Variants in TMTC1 observed in about 807,000 individuals in gnomAD.
TMTC1 encodes transmembrane O-mannosyltransferase targeting cadherins 1.
Under a neutral mutation model 104.8 loss-of-function variants are expected in TMTC1, and 73 were observed. The ratio of observed to expected loss-of-function variants is 0.70; its 90% confidence interval spans 0.58 to 0.85. TMTC1 has a LOEUF of 0.85. Among genes scored for constraint, TMTC1 ranks in the 40% least tolerant of loss-of-function variants. TMTC1 has a pLI of 0.00. For synonymous variants in TMTC1, 434 were observed against 428.7 expected (o/e 1.01, Z -0.15); for missense variants, 1,035 against 1,096.1 (o/e 0.94, Z 0.79).
intron 10 of TMTC1, among the ~76,000 whole-genome samples, chr12:29,544,797 C>A (rs1565659643): frequency 6.6e-6 from 1 of 152,148 alleles, no homozygotes; most frequent in Non-Finnish European, 1.5e-5. Context: ...AGTCAGGATT[C>A]ATTTGCCCCA....
chr12:29,542,658 G>T (rs1000084777), intron 10 of TMTC1, among the ~76,000 whole-genome samples: 1 of 151,952 alleles, frequency 6.6e-6, no homozygotes, highest in Non-Finnish European at 1.5e-5. Flanking sequence ...TGCTTAGCAT[G>T]GATCAATTGA....
rs1336166510 is a variant in TMTC1, at chr12:29,513,602, T to A, written c.2430+880A>T. Among the ~76,000 whole-genome samples, 10 of 152,308 alleles carry A rather than the reference T, an allele frequency of 6.6e-5. No homozygotes were observed. The East Asian group carries it at 1.5e-3, about 23-fold the overall frequency. ...CAATTGTATCATTTGAGATTTTACTTTTCCTATAATATATTTAGTATAATT... is the reference window on the plus strand; with the variant it reads ...CAATTGTATCATTTGAGATTTTACTATTCCTATAATATATTTAGTATAATT... On this transcript the variant is annotated intron_variant, in intron 16 of 17. Coordinates refer to ENST00000539277, the MANE Select transcript of TMTC1 (RefSeq NM_001193451.2).
chr12:29,683,771 G>A (rs1437676860), intron 5 of TMTC1, among the ~76,000 whole-genome samples: 2 of 151,790 alleles, frequency 1.3e-5, no homozygotes, highest in African/African-American at 4.8e-5. Flanking sequence ...TAATTATTCA[G>A]AAGTTGAAAT....
chr12:29,710,149 T>C (rs1941861063), intron 5 of TMTC1, among the ~76,000 whole-genome samples: 1 of 152,160 alleles, frequency 6.6e-6, no homozygotes, highest in East Asian at 1.9e-4. Flanking sequence ...TTTCCCTCTT[T>C]TCTACTGAAC....
intron 2 of TMTC1, among the ~76,000 whole-genome samples, chr12:29,767,035 C>T (rs938350601): frequency 6.6e-6 from 1 of 151,922 alleles, no homozygotes; most frequent in Non-Finnish European, 1.5e-5. Context: ...CTGCAACCTC[C>T]ACCTCCTGGG....
chr12:29,604,907 T>C (rs1592308687), intron 6 of TMTC1, among the ~76,000 whole-genome samples: 1 of 152,302 alleles, frequency 6.6e-6, no homozygotes, highest in East Asian at 1.9e-4. Context: ...GAATAAAAAA[T>C]CGTTATAATA....
chr12:29,516,214 C>T, intron 15 of TMTC1, 135 bp downstream of exon 15: 1 of 1,114,990 alleles, frequency 9.0e-7, no homozygotes, highest in Non-Finnish European at 1.2e-6. Context: ...TGAAAAGTTT[C>T]CAAGAGATAG....
chr12:29,679,563 C>A (rs1044196476), intron 5 of TMTC1, among the ~76,000 whole-genome samples: 2 of 152,068 alleles, frequency 1.3e-5, no homozygotes, highest in East Asian at 1.9e-4. Context: ...TCCTCTATAA[C>A]CAACATTCAT....
intron 6 of TMTC1, among the ~76,000 whole-genome samples, chr12:29,628,989 C>G (rs891240553): frequency 2.6e-5 from 4 of 151,992 alleles, no homozygotes; most frequent in African/African-American, 2.4e-5. Flanking sequence ...TTGATAATAA[C>G]TCTTTCAACA....
chr12:29,760,030 TG>T (rs535957835), intron 2 of TMTC1, among the ~76,000 whole-genome samples: 87 of 152,322 alleles, frequency 5.7e-4, no homozygotes, highest in Non-Finnish European at 8.8e-4. Flanking sequence ...ATATTTTCTA[TG>T]TTTGATATGT....
intron 5 of TMTC1, among the ~76,000 whole-genome samples, chr12:29,665,249 G>GA (rs1940230950): frequency 6.6e-6 from 1 of 152,146 alleles, no homozygotes; most frequent in Non-Finnish European, 1.5e-5. Flanking sequence ...AGTTGCATAT[G>GA]AAAAAACAGT....
chr12:29,710,993 T>TC (rs398116288), intron 5 of TMTC1, among the ~76,000 whole-genome samples: 18 of 140,578 alleles, frequency 1.3e-4, no homozygotes, highest in South Asian at 6.6e-4. Context: ...ATATATTTTT[T>TC]CCCCCTCAGA....
At chr12:29,630,720 A>C (rs1406574668) in intron 6 of TMTC1, among the ~76,000 whole-genome samples, 1 of 152,234 alleles carries the variant, frequency 6.6e-6, no homozygotes, top group Non-Finnish European at 1.5e-5. Context: ...TTATAAATAA[A>C]GCTGTATGAA....
chr12:29,767,886 A>G lies in TMTC1; in HGVS notation c.480+12T>C. Reference sequence around the variant, plus strand: ...CATATTCGTTATTTCACTGAGATCCAATTACACTTACCGCCTCAGTATGAA... The same window carrying G: ...CATATTCGTTATTTCACTGAGATCCGATTACACTTACCGCCTCAGTATGAA... On this transcript the variant is annotated intron_variant, in intron 2 of 17. Coordinates refer to ENST00000539277, the MANE Select transcript of TMTC1 (RefSeq NM_001193451.2). 6.2e-7 allele frequency: 1 copy of G among 1,613,076 alleles called. No individual in the cohort carries two copies. Among genetic ancestry groups the G allele is most frequent in the Non-Finnish European group, 8.5e-7 (1 of 1,179,412 alleles).
At chr12:29,570,664 T>C (rs980948057) in intron 9 of TMTC1, among the ~76,000 whole-genome samples, 14 of 152,010 alleles carry the variant, frequency 9.2e-5, no homozygotes, top group African/African-American at 3.4e-4. Context: ...GTCAACATGG[T>C]GAAACCTGGT....
chr12:29,675,761 C>A (rs757551216), intron 5 of TMTC1, among the ~76,000 whole-genome samples: 3 of 152,150 alleles, frequency 2.0e-5, no homozygotes, highest in African/African-American at 4.8e-5. Flanking sequence ...TTCTCACCCA[C>A]GCTTTCCAGC....
intron 5 of TMTC1, among the ~76,000 whole-genome samples, chr12:29,682,222 G>A (rs1054293853): frequency 6.6e-6 from 1 of 152,068 alleles, no homozygotes; most frequent in African/African-American, 2.4e-5. Context: ...CCACCTACTA[G>A]AACAGCTAAA....
intron 6 of TMTC1, among the ~76,000 whole-genome samples, chr12:29,632,621 T>C (rs1189122686): frequency 1.8e-4 from 27 of 152,208 alleles, no homozygotes; most frequent in Admixed American, 1.8e-3. Context: ...TAACTAAACC[T>C]CTTTCATTTA....
At chr12:29,686,169 C>G (rs565465550) in intron 5 of TMTC1, among the ~76,000 whole-genome samples, 2 of 152,162 alleles carry the variant, frequency 1.3e-5, no homozygotes, top group Non-Finnish European at 2.9e-5. Context: ...AATCTCTACT[C>G]TCCTGGATTC....
Sources: allele counts gnomAD v4.1 joint callset (sites outside exome capture counted in the v4.1 genomes callset), GRCh38; gene constraint gnomAD v4.1.1; transcripts MANE v1.5; gene names NCBI Gene and HGNC (gene_info 2026-07-23, HGNC 2026-07-21).